Variants in SEC14L1 observed in about 807,000 individuals in gnomAD.
The protein encoded by SEC14L1 is SEC14 like lipid binding 1, also known as SEC14-like protein 1.
Under a neutral mutation model 85.3 loss-of-function variants are expected in SEC14L1, and 48 were observed. The observed-to-expected ratio is 0.56, with a 90% CI of 0.45 to 0.72. The LOEUF (loss-of-function observed/expected upper bound fraction) is 0.72. SEC14L1 is among the 30% of genes least tolerant of loss of function. The pLI is 0.00. For synonymous variants in SEC14L1, 391 were observed against 355.5 expected, an observed-to-expected ratio of 1.10 and a Z score of -1.12; for missense variants, 682 against 921.4, an observed-to-expected ratio of 0.74 and a Z score of 3.36.
intron 3 of SEC14L1, among the ~76,000 whole-genome samples, chr17:77,118,596 C>A (rs1284276181): frequency 1.3e-5 from 2 of 152,212 alleles, no homozygotes; most frequent in Non-Finnish European, 1.5e-5. Flanking sequence ...CGGAGCACTC[C>A]AGTTGCTGGT....
intron 3 of SEC14L1, among the ~76,000 whole-genome samples, chr17:77,099,786 AGTCTCC>A (rs1971725047): frequency 6.6e-6 from 1 of 152,134 alleles, no homozygotes; most frequent in African/African-American, 2.4e-5. Context: ...AAGGTACGTG[AGTCTCC>A]TTCACTAATG....
intron 3 of SEC14L1, among the ~76,000 whole-genome samples, chr17:77,145,322 G>A (rs558970851): frequency 2.3e-4 from 35 of 152,216 alleles, no homozygotes; most frequent in Admixed American, 8.5e-4. Context: ...AAATGGTCAC[G>A]TGTCAGGTGT....
chr17:77,191,369 T>C, intron 5 of SEC14L1, 57 bp downstream of exon 5: 1 of 1,594,578 alleles, frequency 6.3e-7, no homozygotes, highest in South Asian at 1.1e-5. Flanking sequence ...TTCTGAGGAT[T>C]GTTTGATCAC....
chr17:77,206,924 C>T lies in SEC14L1; in HGVS notation c.1476+62C>T, dbSNP rs558099740. ...TTATGCAGGTGGGAGAGGTCGGTGT[C>T]GATTTGCACAAATGATTTTCAGAAC... is the stretch of plus-strand genomic sequence containing the variant. On this transcript the variant is annotated intron_variant, in intron 13 of 16. Coordinates refer to ENST00000436233, the MANE Select transcript of SEC14L1 (RefSeq NM_001143998.2). The surrounding 1 kb of genome is among the most constrained non-coding windows in gnomAD (Gnocchi z 4.3). 156 of 1,405,140 alleles carry T rather than the reference C, an allele frequency of 1.1e-4. 1 individual carries two copies. The African/African-American group carries it at 1.7e-3, about 15-fold the overall frequency. The allele number at this position is 1,405,140 out of a possible 1,614,324, so 87.0% of individuals were successfully genotyped here.
At chr17:77,202,119 C>G (rs1976179638) in intron 9 of SEC14L1, among the ~76,000 whole-genome samples, 1 of 151,682 alleles carries the variant, frequency 6.6e-6, no homozygotes, top group Non-Finnish European at 1.5e-5. Flanking sequence ...TGTAGATGGC[C>G]CATGATGATA....
intron 3 of SEC14L1, among the ~76,000 whole-genome samples, chr17:77,188,356 T>C (rs2143779965): frequency 6.6e-6 from 1 of 152,030 alleles, no homozygotes; most frequent in East Asian, 1.9e-4. Context: ...TTTCTCTAGT[T>C]TTGTCTTTTC....
intron 11 of SEC14L1, among the ~76,000 whole-genome samples, chr17:77,205,668 A>G (rs564625561): frequency 1.1e-4 from 17 of 152,300 alleles, no homozygotes; most frequent in African/African-American, 3.8e-4. Flanking sequence ...ACCAAGCTCT[A>G]AGTTACAGTA....
intron 3 of SEC14L1, among the ~76,000 whole-genome samples, chr17:77,167,345 G>C (rs574739363): frequency 1.3e-5 from 2 of 152,218 alleles, no homozygotes; most frequent in Admixed American, 6.5e-5. Context: ...ATGTTGGCCA[G>C]GCTGGTCTCA....
chr17:77,213,566 G>A lies in SEC14L1; in HGVS notation c.2042+74G>A, dbSNP rs775066935. 23 of 1,550,942 alleles carry A rather than the reference G, an allele frequency of 1.5e-5. No homozygotes were observed. Among genetic ancestry groups the A allele is most frequent in the East Asian group, 6.8e-5 (3 of 44,442 alleles). On this transcript the variant is annotated intron_variant, in intron 16 of 16. Coordinates refer to ENST00000436233, the MANE Select transcript of SEC14L1 (RefSeq NM_001143998.2). The surrounding 1 kb of genome is among the most constrained non-coding windows in gnomAD (Gnocchi z 7.1). ...TGGAGGGAGCCTGCAGTCCCACGCC[G>A]TGTGCAGGATCAGCAGTGGCGGCGG...
At chr17:77,196,677 A>AT (rs1351240730) in intron 8 of SEC14L1, among the ~76,000 whole-genome samples, 2 of 151,758 alleles carry the variant, frequency 1.3e-5, no homozygotes, top group African/African-American at 4.9e-5. Context: ...TTTTGGTGAA[A>AT]TTTTAGCCTC....
At chr17:77,138,805 CAG>C (rs1972870225), upstream of SEC14L1, among the ~76,000 whole-genome samples, 1 of 151,688 alleles carries the variant, frequency 6.6e-6, no homozygotes, top group African/African-American at 2.4e-5. Context: ...GCCTGGGGAA[CAG>C]AGTGAGACTG....
chr17:77,204,451 C>T (rs1271010), intron 10 of SEC14L1, among the ~76,000 whole-genome samples: 2 of 149,118 alleles, frequency 1.3e-5, no homozygotes, highest in Non-Finnish European at 3.0e-5. Flanking sequence ...AACTCCTGAT[C>T]TCAGGTGATC....
intron 3 of SEC14L1, among the ~76,000 whole-genome samples, chr17:77,114,260 C>G (rs984540912): frequency 6.6e-6 from 1 of 152,214 alleles, no homozygotes; most frequent in Non-Finnish European, 1.5e-5. Context: ...CAAGGTGGCT[C>G]ACGCCTGTAA....
chr17:77,127,577 C>T (rs1330342193), intron 3 of SEC14L1, among the ~76,000 whole-genome samples: 5 of 151,720 alleles, frequency 3.3e-5, no homozygotes, highest in South Asian at 2.1e-4. Flanking sequence ...CTCGAACTTC[C>T]GACCACAGGT....
intron 6 of SEC14L1, 126 bp from the exon 7 acceptor site, chr17:77,194,551 C>CAAAAA: frequency 1.7e-6 from 1 of 593,752 alleles, no homozygotes; most frequent in Non-Finnish European, 2.8e-6. Flanking sequence ...GACCCTGTCT[C>CAAAAA]AAAAAAAAAA....
At chr17:77,106,908 G>A (rs564566060) in intron 3 of SEC14L1, among the ~76,000 whole-genome samples, 2 of 152,234 alleles carry the variant, frequency 1.3e-5, no homozygotes, top group African/African-American at 2.4e-5. Context: ...CTCCAGCCCC[G>A]GGCTTTTCTT....
chr17:77,194,662 G>T lies in SEC14L1; in HGVS notation c.475-15G>T, dbSNP rs2143041434. 1 of 1,587,196 alleles carries T rather than the reference G, an allele frequency of 6.3e-7. No homozygotes were observed. The highest frequency in any genetic ancestry group is 1.1e-5 in the South Asian group (1 of 90,488). Reference sequence around the variant, plus strand: ...TTGAATATATACTCACCTTTAAATTGGTTTTGTTTTAAAGGGAAAGGAAAT... The same window carrying T: ...TTGAATATATACTCACCTTTAAATTTGTTTTGTTTTAAAGGGAAAGGAAAT... On this transcript the variant is annotated splice_polypyrimidine_tract_variant and intron_variant, in intron 6 of 16. Transcript: ENST00000436233.
intron 3 of SEC14L1, among the ~76,000 whole-genome samples, chr17:77,125,510 C>T (rs1194418867): frequency 6.6e-6 from 1 of 150,938 alleles, no homozygotes; most frequent in Non-Finnish European, 1.5e-5. Flanking sequence ...GAACAATAAA[C>T]GGATAGAGGA....
intron 9 of SEC14L1, among the ~76,000 whole-genome samples, chr17:77,202,685 G>C (rs1231068251): frequency 6.6e-6 from 1 of 151,960 alleles, no homozygotes; most frequent in Admixed American, 6.6e-5. Flanking sequence ...TTTGGGAGGC[G>C]GAGGCAGGCG....
Sources: allele counts gnomAD v4.1 joint callset (sites outside exome capture counted in the v4.1 genomes callset), GRCh38; gene constraint gnomAD v4.1.1; non-coding constraint Gnocchi (gnomAD v3.1); transcripts MANE v1.5; gene names NCBI Gene and HGNC (gene_info 2026-07-23, HGNC 2026-07-21).